The following CDH4 variants were observed in gnomAD, a reference collection of about 807,000 sequenced individuals.
The protein encoded by CDH4 is cadherin-4.
A neutral mutation model predicts 86.0 loss-of-function variants in CDH4; 33 were observed. That is an observed-to-expected ratio of 0.38 (90% CI 0.29 to 0.51). CDH4 has a LOEUF of 0.51. Ranked by LOEUF, CDH4 falls within the 20% of genes least tolerant of loss-of-function variation. The pLI is 0.86. For missense variants in CDH4, 1,114 were observed against 1,307.4 expected (o/e 0.85, Z 2.28); for synonymous variants, 555 against 549.4 (o/e 1.01, Z -0.14).
chr20:61,370,496 C>T (rs2084834321), intron 2 of CDH4: 1 of 152,192 alleles, frequency 6.6e-6, no homozygotes, highest in South Asian at 2.1e-4. Flanking sequence ...GTCATTATTC[C>T]CACCAAGTCC....
chr20:61,590,085 G>A (rs1008150239), intron 2 of CDH4, among the ~76,000 whole-genome samples: 1 of 151,160 alleles, frequency 6.6e-6, no homozygotes, highest in African/African-American at 2.4e-5. Flanking sequence ...GCCTGTCCTT[G>A]TTATTTCAGG....
chr20:61,623,891 GAAC>G lies in CDH4; in HGVS notation c.170-119670_170-119668del, dbSNP rs1226257066. Among the ~76,000 whole-genome samples the G allele has an allele frequency of 2.0e-5, 3 of 150,338 alleles. No homozygotes were observed. Among genetic ancestry groups the G allele is most frequent in the Non-Finnish European group, 4.4e-5 (3 of 67,632 alleles). ...GGAAGGACACGGTTCCTAGAGCGAG[GAAC>G]ACCCCAGAATCTGAGGAGGAAAGAC... On this transcript the variant is annotated intron_variant, in intron 2 of 15. Transcript: ENST00000614565. The surrounding 1 kb of genome is among the most constrained non-coding windows in gnomAD (Gnocchi z 4.4).
At chr20:61,620,885 A>C (rs965039634) in intron 2 of CDH4, among the ~76,000 whole-genome samples, 1 of 152,148 alleles carries the variant, frequency 6.6e-6, no homozygotes, top group African/African-American at 2.4e-5. Context: ...CAGCGCCTCC[A>C]CCACCCTGGT....
chr20:61,914,742 A>G (rs1013747584), intron 9 of CDH4, among the ~76,000 whole-genome samples: 2 of 152,216 alleles, frequency 1.3e-5, no homozygotes, highest in Non-Finnish European at 2.9e-5. Flanking sequence ...ACCCACCAGC[A>G]GAAACCCAGA....
At chr20:61,581,036 C>T (rs1197298043) in intron 2 of CDH4, among the ~76,000 whole-genome samples, 2 of 152,172 alleles carry the variant, frequency 1.3e-5, no homozygotes, top group African/African-American at 4.8e-5. Context: ...GGGCACTATC[C>T]AAAAGGAAAC....
intron 2 of CDH4, among the ~76,000 whole-genome samples, chr20:61,546,389 A>G (rs996942241): frequency 2.0e-5 from 3 of 150,404 alleles, no homozygotes; most frequent in African/African-American, 7.4e-5. Flanking sequence ...GTATGTGTGC[A>G]CACATGCATG....
chr20:61,345,820 C>T (rs2095177050), intron 2 of CDH4, among the ~76,000 whole-genome samples: 1 of 152,190 alleles, frequency 6.6e-6, no homozygotes, highest in Non-Finnish European at 1.5e-5. Context: ...TGGACAACCC[C>T]TGCCACTGGC....
intron 4 of CDH4, among the ~76,000 whole-genome samples, chr20:61,824,863 G>A (rs575639466): frequency 5.3e-5 from 8 of 152,314 alleles, no homozygotes; most frequent in African/African-American, 1.7e-4. Context: ...AGACCACAAA[G>A]TGAATTTAAA....
chr20:61,457,962 A>G (rs368465199), intron 2 of CDH4, among the ~76,000 whole-genome samples: 3,341 of 125,546 alleles, frequency 0.027, 182 homozygotes, highest in African/African-American at 0.097. Context: ...GTGATGGTAT[A>G]GTCATGGTCA....
At chr20:61,559,818 C>T (rs1256066233) in intron 2 of CDH4, among the ~76,000 whole-genome samples, 1 of 152,158 alleles carries the variant, frequency 6.6e-6, no homozygotes, top group Non-Finnish European at 1.5e-5. Context: ...TGCACCCAGC[C>T]GGATTCTCCT....
intron 2 of CDH4, among the ~76,000 whole-genome samples, chr20:61,276,053 C>T (rs1227819738): frequency 2.0e-5 from 3 of 152,074 alleles, no homozygotes; most frequent in Non-Finnish European, 2.9e-5. Flanking sequence ...CACTGCAGAG[C>T]GGTGATACGG....
chr20:61,852,970 G>A (rs2146113905), intron 6 of CDH4, 72 bp downstream of exon 6: 2 of 1,512,168 alleles, frequency 1.3e-6, no homozygotes, highest in Non-Finnish European at 9.0e-7. Flanking sequence ...CTGAGGGCAG[G>A]GGAGGGCTGC....
intron 4 of CDH4, among the ~76,000 whole-genome samples, chr20:61,802,127 A>C (rs2146033121): frequency 6.6e-6 from 1 of 152,318 alleles, no homozygotes; most frequent in Middle Eastern, 3.4e-3. Context: ...GAGGATGCCA[A>C]AGACAGCTGC....
At chr20:61,867,423 T>G (rs1832962) in intron 6 of CDH4, among the ~76,000 whole-genome samples, 13,049 of 152,004 alleles carry the variant, frequency 0.086, 1,532 homozygotes, top group African/African-American at 0.27. Flanking sequence ...GTTGGTGCAC[T>G]CCTGTGATCT....
intron 2 of CDH4, among the ~76,000 whole-genome samples, chr20:61,700,766 C>G (rs1179971357): frequency 6.6e-6 from 1 of 152,208 alleles, no homozygotes; most frequent in Non-Finnish European, 1.5e-5. Context: ...ATGTCTTCTT[C>G]ATGTCTGTCT....
chr20:61,856,231 G>A (rs569456467), intron 6 of CDH4, among the ~76,000 whole-genome samples: 8 of 152,310 alleles, frequency 5.3e-5, no homozygotes, highest in South Asian at 2.1e-4. Flanking sequence ...TTTCAGATGC[G>A]TGTTCTAATG....
At chr20:61,846,780 A>C (rs758850258) in intron 5 of CDH4, among the ~76,000 whole-genome samples, 2 of 152,172 alleles carry the variant, frequency 1.3e-5, no homozygotes, top group African/African-American at 2.4e-5. Flanking sequence ...TAACCAAGGC[A>C]GACTTGGAGC....
At chr20:61,877,896 C>T (rs1293896897) in intron 7 of CDH4, among the ~76,000 whole-genome samples, 2 of 152,096 alleles carry the variant, frequency 1.3e-5, no homozygotes, top group African/African-American at 2.4e-5. Flanking sequence ...TGTGTGACAA[C>T]GCGTCTTTGG....
intron 8 of CDH4, among the ~76,000 whole-genome samples, chr20:61,903,540 T>TTAAAAAA (rs386394189): frequency 0.018 from 1,656 of 90,858 alleles, 112 homozygotes; most frequent in African/African-American, 0.074. Flanking sequence ...AGAGACTCCA[T>TTAAAAAA]AAAAAAAAAA....
Sources: gnomAD v4.1 joint callset for allele counts (sites outside exome capture counted in the v4.1 genomes callset) on GRCh38, gnomAD v4.1.1 for gene constraint, Gnocchi (gnomAD v3.1) non-coding constraint, MANE v1.5 for transcripts, NCBI Gene and HGNC (gene_info 2026-07-23, HGNC 2026-07-21) for gene names.